Variants in XPO1 observed in about 807,000 individuals in gnomAD.
XPO1 encodes the protein exportin-1.
XPO1 carries 5 observed loss-of-function variants against 133.3 expected under a neutral mutation model. That is an observed-to-expected ratio of 0.04 (90% CI 0.02 to 0.08). The LOEUF (loss-of-function observed/expected upper bound fraction) is 0.08. Among genes scored for constraint, XPO1 ranks in the 10% least tolerant of loss-of-function variants. The pLI is 1.00. For missense variants in XPO1, 506 were observed against 1,267.5 expected, an observed-to-expected ratio of 0.40 and a Z score of 9.12; for synonymous variants, 419 against 408.2, an observed-to-expected ratio of 1.03 and a Z score of -0.32.
chr2:61,530,998 C>G (rs1699127469), intron 2 of XPO1, among the ~76,000 whole-genome samples: 1 of 152,132 alleles, frequency 6.6e-6, no homozygotes, highest in Non-Finnish European at 1.5e-5. Flanking sequence ...TAGGACAGGT[C>G]ATATTTGTAC....
At chr2:61,536,195 CACCT>C (rs1161753084) in intron 1 of XPO1, 2 of 152,252 alleles carry the variant, frequency 1.3e-5, no homozygotes, top group African/African-American at 4.8e-5. Context: ...TCTTCGAAAT[CACCT>C]ACCTATTCCT....
intron 4 of XPO1, among the ~76,000 whole-genome samples, chr2:61,516,878 T>C (rs181244863): frequency 3.0e-4 from 45 of 152,234 alleles, no homozygotes; most frequent in East Asian, 2.9e-3. Flanking sequence ...TTTATTTGAA[T>C]TATCTAAATG....
chr2:61,491,090 A>G (rs1696959686), intron 16 of XPO1, among the ~76,000 whole-genome samples: 1 of 152,110 alleles, frequency 6.6e-6, no homozygotes, highest in Admixed American at 6.6e-5. Context: ...CAGAGGTTGC[A>G]GTGAGCCGAG....
intron 2 of XPO1, among the ~76,000 whole-genome samples, chr2:61,528,726 AT>A (rs1699017843): frequency 8.6e-6 from 1 of 116,772 alleles, no homozygotes; most frequent in Non-Finnish European, 1.7e-5. Flanking sequence ...CCATGTCGAC[AT>A]TTTATTTATA....
intron 1 of XPO1, chr2:61,537,007 G>A (rs1013599933): frequency 6.6e-6 from 1 of 152,106 alleles, no homozygotes; most frequent in Non-Finnish European, 1.5e-5. Flanking sequence ...CTGAAAAACT[G>A]ATCTTTCCTA....
At chr2:61,491,264 G>A (rs953860506) in intron 16 of XPO1, among the ~76,000 whole-genome samples, 1 of 151,638 alleles carries the variant, frequency 6.6e-6, no homozygotes, top group African/African-American at 2.4e-5. Context: ...AGTTGGAGAT[G>A]AGCCTGACCA....
chr2:61,513,344 A>G (rs891278686), intron 4 of XPO1, among the ~76,000 whole-genome samples: 1 of 144,030 alleles, frequency 6.9e-6, no homozygotes, highest in African/African-American at 2.6e-5. Context: ...AAGGTTCTAT[A>G]AGAAAACGTA....
rs530927449 is a variant in XPO1 at position 61,483,279 on chromosome 2, C to T, written c.2678-188G>A. 4 of 541,504 alleles carry T rather than the reference C, an allele frequency of 7.4e-6. No individual in the cohort carries two copies. In the African/African-American group the frequency reaches 7.8e-5, roughly 11 times the overall value. 33.5% of individuals were successfully genotyped at this position (541,504 alleles called of 1,614,324 possible). ...TACAACTATATCCAATGCTGGCTTA[C>T]TTATAAATTATAATAAGTTGTGTGA... On this transcript the variant is annotated intron_variant, in intron 21 of 24. Coordinates refer to ENST00000401558, the MANE Select transcript of XPO1 (RefSeq NM_003400.4).
intron 10 of XPO1, among the ~76,000 whole-genome samples, chr2:61,496,470 A>G (rs763386418): frequency 2.6e-5 from 4 of 152,180 alleles, no homozygotes; most frequent in Non-Finnish European, 4.4e-5. Context: ...CTGGCCTCCC[A>G]AAGTTCTGGG....
At chr2:61,520,418 G>A (rs1016161051) in intron 4 of XPO1, among the ~76,000 whole-genome samples, 6 of 152,022 alleles carry the variant, frequency 3.9e-5, no homozygotes, top group African/African-American at 1.4e-4. Flanking sequence ...AGGCCAAGGT[G>A]GGAGGATTGC....
In XPO1 at chr2:61,492,885, G is replaced by T; in HGVS notation, c.1384+30C>A. 2 of 1,576,074 alleles carry T rather than the reference G, an allele frequency of 1.3e-6. No homozygotes were observed. Among genetic ancestry groups the T allele is most frequent in the Non-Finnish European group, 1.7e-6 (2 of 1,163,104 alleles). On this transcript the variant is annotated intron_variant, in intron 13 of 24. Transcript: ENST00000401558. This position sits in a 1 kb window ranked among gnomAD's most constrained non-coding sequence, Gnocchi z 5.6. ...TTCCACCCCAGAATAGATTTATAAA[G>T]GTAAAGATTAACAGTATTTATTAAC...
intron 10 of XPO1, among the ~76,000 whole-genome samples, chr2:61,496,522 T>C (rs1697249753): frequency 6.6e-6 from 1 of 152,174 alleles, no homozygotes; most frequent in African/African-American, 2.4e-5. Flanking sequence ...AACACAGTAT[T>C]ATGAATAACC....
intron 4 of XPO1, among the ~76,000 whole-genome samples, chr2:61,504,661 T>G (rs1335919213): frequency 1.3e-5 from 2 of 152,260 alleles, no homozygotes; most frequent in South Asian, 2.1e-4. Context: ...AATAAAAAAT[T>G]TAGTCATTAG....
chr2:61,535,790 C>T (rs947534293), intron 1 of XPO1, among the ~76,000 whole-genome samples: 5 of 152,098 alleles, frequency 3.3e-5, no homozygotes, highest in African/African-American at 1.2e-4. Flanking sequence ...ATACTTGTTA[C>T]ACACCACAAA....
intron 12 of XPO1, 39 bp downstream of exon 12, chr2:61,493,855 T>A: frequency 6.2e-7 from 1 of 1,605,208 alleles, no homozygotes; most frequent in Non-Finnish European, 8.5e-7. Context: ...AAAACCACAG[T>A]ATGCAACAGG....
intron 4 of XPO1, among the ~76,000 whole-genome samples, chr2:61,521,581 A>T (rs1276300019): frequency 6.6e-6 from 1 of 152,176 alleles, no homozygotes; most frequent in Non-Finnish European, 1.5e-5. Flanking sequence ...CAGACAGAAA[A>T]GTTAAATTAC....
rs1558639268 is a variant in XPO1, at chr2:61,492,308, T to C, written c.1723+17A>G. On this transcript the variant is annotated intron_variant, in intron 15 of 24. Coordinates refer to ENST00000401558, the MANE Select transcript of XPO1 (RefSeq NM_003400.4). This position sits in a 1 kb window ranked among gnomAD's most constrained non-coding sequence, Gnocchi z 5.6. ...CAATAAAAATAAAAGCAAAATATAG[T>C]AAAGAAAGAGATTTACCATGCATGA... 1 of 1,583,204 alleles carries C rather than the reference T, an allele frequency of 6.3e-7. No individual in the cohort carries two copies. The highest frequency in any genetic ancestry group is 8.5e-7 in the Non-Finnish European group (1 of 1,171,354).
chr2:61,479,278 G>A (rs1386373061), intron 24 of XPO1, among the ~76,000 whole-genome samples: 1 of 152,010 alleles, frequency 6.6e-6, no homozygotes, highest in Non-Finnish European at 1.5e-5. Context: ...GGCCAACATG[G>A]TGAAACCCTG....
rs1696145696 is a variant in XPO1, at chr2:61,478,042, G to A, written c.*778C>T. The A allele has an allele frequency of 5.2e-6, 1 of 191,446 alleles. No homozygotes were observed. The highest frequency in any genetic ancestry group is 6.2e-5 in the Admixed American group (1 of 16,196). 11.9% of individuals were successfully genotyped at this position (191,446 alleles called of 1,614,324 possible). A position where few individuals can be genotyped will look rare whatever the true frequency, so the allele number is the denominator to read the frequency against. ...TCATCTCAAAAGCCAGAGTTGTTTT[G>A]TTTTTTAATGAGTTGTTAAAAAGAT... On this transcript the variant is annotated 3_prime_UTR_variant, in exon 25 of 25. Coordinates refer to ENST00000401558, the MANE Select transcript of XPO1 (RefSeq NM_003400.4).
Sources: allele counts gnomAD v4.1 joint callset (sites outside exome capture counted in the v4.1 genomes callset), GRCh38; gene constraint gnomAD v4.1.1; non-coding constraint Gnocchi (gnomAD v3.1); transcripts MANE v1.5; gene names NCBI Gene and HGNC (gene_info 2026-07-23, HGNC 2026-07-21).